LPP: variants seen among roughly 807,000 people sequenced by gnomAD.
LPP encodes the protein LIM domain containing preferred translocation partner in lipoma, also known as lipoma-preferred partner.
Under a neutral mutation model 60.4 loss-of-function variants are expected in LPP, and 38 were observed. That is an observed-to-expected ratio of 0.63 (90% CI 0.49 to 0.83). The LOEUF is 0.83. LPP is among the 40% of genes least tolerant of loss of function. The pLI is 0.00. For synonymous variants in LPP, 328 were observed against 290.8 expected (o/e 1.13, Z -1.30); for missense variants, 902 against 783.6 (o/e 1.15, Z -1.80).
chr3:188,372,170 T>G (rs968388718), intron 3 of LPP, among the ~76,000 whole-genome samples: 1 of 152,000 alleles, frequency 6.6e-6, no homozygotes, highest in African/African-American at 2.4e-5. Context: ...GGGAAAAAAC[T>G]TTTTCAAAAT....
intron 9 of LPP, among the ~76,000 whole-genome samples, chr3:188,766,044 T>A (rs997937114): frequency 6.6e-6 from 1 of 151,756 alleles, no homozygotes; most frequent in Non-Finnish European, 1.5e-5. Flanking sequence ...CTAATTTTTT[T>A]ATTTTTTCAT....
At chr3:188,370,079 C>G (rs1287367374) in intron 3 of LPP, among the ~76,000 whole-genome samples, 1 of 152,124 alleles carries the variant, frequency 6.6e-6, no homozygotes, top group Admixed American at 6.5e-5. Context: ...AGGTGCCTAC[C>G]ACCACACCCA....
rs138991492 is a variant in LPP, at chr3:188,550,856, C to T, written c.429+26069C>T. Reference sequence around the variant, plus strand: ...CTAACCCATAGGGTTATGTTTTAAACGATATGATATAAATGTGTTATACTA... The same window carrying T: ...CTAACCCATAGGGTTATGTTTTAAATGATATGATATAAATGTGTTATACTA... On this transcript the variant is annotated intron_variant, in intron 6 of 11. Coordinates refer to ENST00000617246, the MANE Select transcript of LPP (RefSeq NM_001375462.1). 9.9e-5 allele frequency among the ~76,000 whole-genome samples: 15 copies of T among 152,108 alleles called. No individual in the cohort carries two copies. The East Asian group carries it at 2.7e-3, about 28-fold the overall frequency.
At chr3:188,790,606 A>G (rs1303700102) in intron 9 of LPP, among the ~76,000 whole-genome samples, 1 of 152,054 alleles carries the variant, frequency 6.6e-6, no homozygotes, top group Non-Finnish European at 1.5e-5. Flanking sequence ...GAATCACCTG[A>G]GGTCAGGAGT....
intron 7 of LPP, among the ~76,000 whole-genome samples, chr3:188,629,441 C>T (rs1262010456): frequency 6.6e-6 from 1 of 151,902 alleles, no homozygotes; most frequent in East Asian, 1.9e-4. Flanking sequence ...CAAACTGAGA[C>T]CCAAATCAGG....
At chr3:188,346,416 C>T (rs529856799) in intron 3 of LPP, among the ~76,000 whole-genome samples, 235 of 150,994 alleles carry the variant, frequency 1.6e-3, no homozygotes, top group Admixed American at 1.7e-3. Flanking sequence ...CACACCCCCA[C>T]GCCCAGCTAA....
chr3:188,218,129 G>A (rs935018419), intron 1 of LPP, among the ~76,000 whole-genome samples: 1 of 152,224 alleles, frequency 6.6e-6, no homozygotes, highest in Non-Finnish European at 1.5e-5. Flanking sequence ...GGCTCAGTGG[G>A]AGCCCAGAAG....
At chr3:188,312,054 A>G (rs6774792) in intron 2 of LPP, among the ~76,000 whole-genome samples, 11,468 of 152,230 alleles carry the variant, frequency 0.075, 1,264 homozygotes, top group African/African-American at 0.24. Context: ...TCTTTATTTT[A>G]TCTCTTTACT....
At chr3:188,577,825 C>T (rs1835102596) in intron 6 of LPP, among the ~76,000 whole-genome samples, 1 of 40,592 alleles carries the variant, frequency 2.5e-5, no homozygotes, top group Admixed American at 2.8e-4. Context: ...CTCCCCTCCC[C>T]TTCCTTCTTC....
At chr3:188,583,237 C>T (rs1226291656) in intron 6 of LPP, among the ~76,000 whole-genome samples, 1 of 152,150 alleles carries the variant, frequency 6.6e-6, no homozygotes, top group Non-Finnish European at 1.5e-5. Context: ...TTAGATGTTG[C>T]ATACCTCTCT....
chr3:188,577,656 A>AG (rs1321460156), intron 6 of LPP, among the ~76,000 whole-genome samples: 3 of 151,660 alleles, frequency 2.0e-5, no homozygotes, highest in Non-Finnish European at 4.4e-5. Context: ...ATATCTACAA[A>AG]GGCAAATTAA....
chr3:188,628,756 G>A (rs924378772), intron 7 of LPP, among the ~76,000 whole-genome samples: 13 of 152,016 alleles, frequency 8.6e-5, no homozygotes, highest in African/African-American at 2.2e-4. Context: ...ATTCTATAAC[G>A]CCAGCATCAT....
intron 6 of LPP, among the ~76,000 whole-genome samples, chr3:188,581,038 C>A (rs1021254702): frequency 1.3e-5 from 2 of 152,124 alleles, no homozygotes; most frequent in African/African-American, 4.8e-5. Flanking sequence ...ATCACATGTA[C>A]AAAACACCTT....
intron 3 of LPP, among the ~76,000 whole-genome samples, chr3:188,376,292 G>T (rs1275084519): frequency 6.6e-6 from 1 of 151,590 alleles, no homozygotes; most frequent in African/African-American, 2.4e-5. Context: ...TCTGTCTAAT[G>T]TTGACAGTGG....
chr3:188,507,117 G>A (rs1813737670), intron 5 of LPP, among the ~76,000 whole-genome samples: 1 of 152,010 alleles, frequency 6.6e-6, no homozygotes, highest in South Asian at 2.1e-4. Context: ...ATTTTATTGC[G>A]AGAAGATAGA....
chr3:188,498,746 C>T (rs921738942), intron 5 of LPP, among the ~76,000 whole-genome samples: 2 of 152,196 alleles, frequency 1.3e-5, no homozygotes, highest in South Asian at 4.1e-4. Flanking sequence ...CCATTTTCCA[C>T]AGCAGCTGTA....
intron 2 of LPP, among the ~76,000 whole-genome samples, chr3:188,259,568 A>G (rs2149670622): frequency 6.6e-6 from 1 of 152,306 alleles, no homozygotes; most frequent in Non-Finnish European, 1.5e-5. Flanking sequence ...TTATTTATGC[A>G]TGTATATAAT....
intron 3 of LPP, among the ~76,000 whole-genome samples, chr3:188,358,413 T>A (rs872279): frequency 0.052 from 7,951 of 152,176 alleles, 288 homozygotes; most frequent in East Asian, 0.21. Flanking sequence ...TATCAACTAG[T>A]GAAGGCGAGA....
intron 7 of LPP, among the ~76,000 whole-genome samples, chr3:188,642,061 C>T (rs895368934): frequency 6.6e-6 from 1 of 152,092 alleles, no homozygotes; most frequent in Non-Finnish European, 1.5e-5. Flanking sequence ...TGACATCTGC[C>T]CATGCTTACT....
Sources: allele counts gnomAD v4.1 joint callset (sites outside exome capture counted in the v4.1 genomes callset), GRCh38; gene constraint gnomAD v4.1.1; transcripts MANE v1.5; gene names NCBI Gene and HGNC (gene_info 2026-07-23, HGNC 2026-07-21).